Variants in DRICH1 observed in about 807,000 individuals in gnomAD.
DRICH1 encodes aspartate rich 1.
A neutral mutation model predicts 39.5 loss-of-function variants in DRICH1; 38 were observed. That is an observed-to-expected ratio of 0.96 (90% CI 0.74 to 1.26). The LOEUF is 1.26. Among genes scored for constraint, DRICH1 ranks in the 50% most tolerant of loss-of-function variants. The pLI is 0.00. For synonymous variants in DRICH1, 84 were observed against 99.5 expected (o/e 0.84, Z 0.93); for missense variants, 279 against 270.4 (o/e 1.03, Z -0.22).
chr22:23,611,461 G>T (rs1006808805), intron 11 of DRICH1, among the ~76,000 whole-genome samples: 1 of 147,526 alleles, frequency 6.8e-6, no homozygotes, highest in Admixed American at 7.0e-5. Flanking sequence ...GCATGATCTC[G>T]GCTCACTGCA....
the DRICH1 span, among the ~76,000 whole-genome samples, chr22:23,590,903 C>T: frequency 1.3e-5 from 2 of 152,176 alleles, no homozygotes; most frequent in African/African-American, 2.4e-5. Context: ...GGACTACAGG[C>T]GTGAGCCACT....
At chr22:23,614,404 C>T (rs1205767607) in intron 8 of DRICH1, among the ~76,000 whole-genome samples, 190 bp from the exon 9 acceptor site, 2 of 152,252 alleles carry the variant, frequency 1.3e-5, no homozygotes, top group African/African-American at 4.8e-5. Context: ...GACATGGAGG[C>T]CTTGGCCTTG....
downstream of DRICH1, among the ~76,000 whole-genome samples, chr22:23,606,819 C>T (rs1023995625): frequency 1.3e-5 from 2 of 152,210 alleles, no homozygotes; most frequent in Admixed American, 1.3e-4. Context: ...TCCTCTGCGC[C>T]TGCCCTCTCA....
At position 23,620,627 on chromosome 22, in the gene DRICH1, C is replaced by A. The variant is rs774597319; in HGVS notation, c.385-12G>T. On this transcript the variant is annotated splice_polypyrimidine_tract_variant and intron_variant, in intron 4 of 11. Coordinates refer to ENST00000317749, the MANE Select transcript of DRICH1 (RefSeq NM_016449.4). Reference sequence around the variant, plus strand: ...CGTGACGGTAAAATCTGCAACGAGACAAAAGAAGATGCTATGAGGATCAGA... The same window carrying A: ...CGTGACGGTAAAATCTGCAACGAGAAAAAAGAAGATGCTATGAGGATCAGA... The A allele has an allele frequency of 1.2e-6, 2 of 1,613,594 alleles. No homozygotes were observed. The highest frequency in any genetic ancestry group is 2.7e-5 in the African/African-American group (2 of 74,894).
intron 5 of DRICH1, among the ~76,000 whole-genome samples, chr22:23,620,196 T>G (rs916347469): frequency 2.6e-5 from 4 of 152,000 alleles, no homozygotes; most frequent in African/African-American, 9.7e-5. Context: ...ACACCCTCCC[T>G]CACCTCCCAA....
downstream of DRICH1, among the ~76,000 whole-genome samples, chr22:23,606,071 TTGAG>T (rs1278531871): frequency 3.9e-5 from 6 of 151,902 alleles, no homozygotes; most frequent in African/African-American, 1.2e-4. Flanking sequence ...ATTTTTTTTT[TTGAG>T]TGAGACCCCA....
intron 5 of DRICH1, among the ~76,000 whole-genome samples, chr22:23,620,019 G>A (rs1214046679): frequency 6.6e-6 from 1 of 152,046 alleles, no homozygotes; most frequent in African/African-American, 2.4e-5. Flanking sequence ...GCCAGAGGCA[G>A]AAAAGAGCAG....
intron 8 of DRICH1, among the ~76,000 whole-genome samples, chr22:23,615,321 A>C (rs545490494): frequency 1.3e-5 from 2 of 152,352 alleles, no homozygotes; most frequent in African/African-American, 4.8e-5. Flanking sequence ...GGTTGCAGTG[A>C]GCCGCGATCA....
chr22:23,583,867 G>C, the DRICH1 span: 1 of 152,458 alleles, frequency 6.6e-6, no homozygotes, highest in East Asian at 1.9e-4. Flanking sequence ...TCCCTCCCCA[G>C]CACCCCCCTT....
chr22:23,629,485 C>T (rs760210889), intron 1 of DRICH1, among the ~76,000 whole-genome samples: 7 of 152,224 alleles, frequency 4.6e-5, no homozygotes, highest in Non-Finnish European at 1.0e-4. Flanking sequence ...AGTGTTGAGC[C>T]TCACTAACCT....
At chr22:23,590,436 C>A in the DRICH1 span, among the ~76,000 whole-genome samples, 1 of 151,918 alleles carries the variant, frequency 6.6e-6, no homozygotes, top group Admixed American at 6.6e-5. Context: ...CACCACCACA[C>A]CCAGCTAATT....
At chr22:23,603,825 T>G (rs1926595057), downstream of DRICH1, among the ~76,000 whole-genome samples, 1 of 152,086 alleles carries the variant, frequency 6.6e-6, no homozygotes, top group Non-Finnish European at 1.5e-5. Flanking sequence ...TGGCCCCTAG[T>G]AAGCCTTTAT....
intron 1 of DRICH1, among the ~76,000 whole-genome samples, chr22:23,631,181 A>G (rs1269240686): frequency 6.6e-6 from 1 of 152,092 alleles, no homozygotes; most frequent in Admixed American, 6.6e-5. Context: ...GCACTTTGGG[A>G]GGCCGAGGCG....
rs1722569950 is a variant in DRICH1 at position 23,614,141 on chromosome 22, GTCATCATCATCTTCT to G, written c.600_614del (p.Glu200_Asp204del). 2.5e-6 allele frequency: 4 copies of G among 1,609,574 alleles called. No homozygotes were observed. In the African/African-American group the frequency reaches 5.3e-5, roughly 22 times the overall value. On this transcript the variant is annotated inframe_deletion, in exon 9 of 12. Transcript: ENST00000317749. ...AAAAAAAGGGAGGTCTTACGTGGAT[GTCATCATCATCTTCT>G]TCTTCTTCATCTTTGTGTCTCAGTG...
chr22:23,622,132 C>T lies in DRICH1; in HGVS notation c.343G>A (p.Glu115Lys), dbSNP rs1317076796. 4.3e-6 allele frequency: 7 copies of T among 1,613,916 alleles called. No homozygotes were observed. In the East Asian group the frequency reaches 1.1e-4, roughly 26 times the overall value. The change falls in exon 4 of 12, where the codon GAA becomes AAA. Residue 115 changes from glutamate to lysine, a missense_variant. Coordinates refer to ENST00000317749, the MANE Select transcript of DRICH1 (RefSeq NM_016449.4). The part of the protein sequence containing the change: ...NLSLVCLPRS[E>K]DDDCDDDDDD... The stretch of plus-strand genomic sequence containing the variant: ...TCATCATCATCACAGTCATCATCTT[C>T]ACTTCGTGGTAGGCATACTAAACTC...
chr22:23,619,237 C>T, intron 6 of DRICH1, 127 bp downstream of exon 6: 2 of 589,886 alleles, frequency 3.4e-6, no homozygotes, highest in South Asian at 3.6e-5. Flanking sequence ...TCTAACTAAT[C>T]AGCTGTCAAC....
chr22:23,582,388 A>T, the DRICH1 span, among the ~76,000 whole-genome samples: 5 of 150,488 alleles, frequency 3.3e-5, no homozygotes, highest in South Asian at 8.4e-4. Flanking sequence ...CCCATTCAAC[A>T]CCAACTTCCC....
At chr22:23,613,993 C>T (rs1569088345) in intron 9 of DRICH1, 142 bp downstream of exon 9, 2 of 655,224 alleles carry the variant, frequency 3.1e-6, no homozygotes, top group Non-Finnish European at 5.4e-6. Context: ...GAAGACACTC[C>T]TATGGAATTC....
chr22:23,604,999 A>G (rs1461648515), downstream of DRICH1, among the ~76,000 whole-genome samples: 1 of 152,164 alleles, frequency 6.6e-6, no homozygotes, highest in African/African-American at 2.4e-5. Context: ...GGTACTCATG[A>G]ACTCTGCCAG....
Sources: gnomAD v4.1 joint callset for allele counts (sites outside exome capture counted in the v4.1 genomes callset) on GRCh38, gnomAD v4.1.1 for gene constraint, MANE v1.5 for transcripts, NCBI Gene and HGNC (gene_info 2026-07-23, HGNC 2026-07-21) for gene names.